Variants in GNA15 observed in about 807,000 individuals in gnomAD.
GNA15 encodes the protein guanine nucleotide-binding protein subunit alpha-15.
Under a neutral mutation model 40.1 loss-of-function variants are expected in GNA15, and 23 were observed. The observed-to-expected ratio is 0.57, with a 90% CI of 0.41 to 0.81. The LOEUF is 0.81. GNA15 is among the 40% of genes least tolerant of loss of function. The probability of loss-of-function intolerance (pLI) is 0.00; values close to 1 mark genes in which losing one functional copy is unlikely to be tolerated. For missense variants in GNA15, 522 were observed against 515.8 expected (o/e 1.01, Z -0.12); for synonymous variants, 226 against 210.4 (o/e 1.07, Z -0.64).
intron 1 of GNA15, 60 bp from the exon 2 acceptor site, chr19:3,148,531 G>A: frequency 6.8e-7 from 1 of 1,467,188 alleles, no homozygotes; most frequent in East Asian, 2.5e-5. Context: ...ACGTGGGGTT[G>A]GGGGTGTCGG....
chr19:3,161,214 A>G (rs1220939935), intron 6 of GNA15, among the ~76,000 whole-genome samples: 2 of 152,162 alleles, frequency 1.3e-5, no homozygotes, highest in Non-Finnish European at 2.9e-5. Flanking sequence ...TTGGCCTTCC[A>G]AAGTGCTAGG....
Position 3,155,987 on chromosome 19 carries a change from T to G in GNA15, c.744+35T>G, listed in dbSNP as rs1915005241. On this transcript the variant is annotated intron_variant, in intron 5 of 6. Transcript: ENST00000262958. This position sits in a 1 kb window ranked among gnomAD's most constrained non-coding sequence, Gnocchi z 5.6. ...CGCCTCCCTCGCCCTGCCCACTTGT[T>G]GGCCCAGGGACCCTCACCTGAGCAG... is the stretch of plus-strand genomic sequence containing the variant. The G allele has an allele frequency of 6.2e-7, 1 of 1,604,924 alleles. No homozygotes were observed. Among genetic ancestry groups the G allele is most frequent in the African/African-American group, 1.3e-5 (1 of 74,760 alleles).
intron 1 of GNA15, among the ~76,000 whole-genome samples, chr19:3,145,359 A>ATATATATATATATATATATATATTTTTT: frequency 2.1e-5 from 1 of 46,968 alleles, no homozygotes; most frequent in African/African-American, 9.2e-5. Flanking sequence ...ATATATATAT[A>ATATATATATATATATATATATATTTTTT]TTTTTTTTTT....
In GNA15 at chr19:3,155,029, C is replaced by T. The variant is rs1310591970; in HGVS notation, c.615-794C>T. 1.3e-5 allele frequency: 2 copies of T among 152,216 alleles called. No individual in the cohort carries two copies. The highest frequency in any genetic ancestry group is 6.5e-5 in the Admixed American group (1 of 15,268). 9.4% of individuals were successfully genotyped at this position (152,216 alleles called of 1,614,324 possible). ...CGACGGCTGCTTACCCTGTCTGGCTCTGGATGTGGGGTTTGAGGGACTCTG... is the reference window on the plus strand; with the variant it reads ...CGACGGCTGCTTACCCTGTCTGGCTTTGGATGTGGGGTTTGAGGGACTCTG... On this transcript the variant is annotated intron_variant, in intron 4 of 6. Transcript: ENST00000262958. This position sits in a 1 kb window ranked among gnomAD's most constrained non-coding sequence, Gnocchi z 5.6.
chr19:3,144,730 G>A (rs551063439), intron 1 of GNA15, among the ~76,000 whole-genome samples: 134 of 149,836 alleles, frequency 8.9e-4, no homozygotes, highest in Admixed American at 2.1e-3. Flanking sequence ...GGGTTTCACC[G>A]TGTTAGCCAG....
intron 4 of GNA15, among the ~76,000 whole-genome samples, chr19:3,152,137 G>A (rs1425007072): frequency 1.3e-5 from 2 of 152,172 alleles, no homozygotes; most frequent in African/African-American, 2.4e-5. Flanking sequence ...CCCTGAAGGG[G>A]CTGCTGGGGA....
chr19:3,148,474 A>C lies in GNA15; in HGVS notation c.146-117A>C, dbSNP rs1486602153. The C allele has an allele frequency of 4.2e-6, 4 of 951,398 alleles. 1 individual carries two copies. Among genetic ancestry groups the C allele is most frequent in the Middle Eastern group, 6.7e-4 (2 of 2,968 alleles). The allele number at this position is 951,398 out of a possible 1,614,324, so 58.9% of individuals were successfully genotyped here. ...GGTCACTGAGTGAGGTCCCGGCTGCACCGGGGTTTGAACCCAGGAGGCCTG... is the reference window on the plus strand; with the variant it reads ...GGTCACTGAGTGAGGTCCCGGCTGCCCCGGGGTTTGAACCCAGGAGGCCTG... On this transcript the variant is annotated intron_variant, in intron 1 of 6. Transcript: ENST00000262958.
intron 1 of GNA15, among the ~76,000 whole-genome samples, chr19:3,140,021 G>A (rs1914539099): frequency 1.2e-5 from 1 of 84,988 alleles, no homozygotes; most frequent in African/African-American, 4.2e-5. Flanking sequence ...CAATAAGAGT[G>A]AAACTCCATC....
chr19:3,150,136 C>T lies in GNA15; in HGVS notation c.336C>T (p.His112=), dbSNP rs1415802898. 12 of 1,612,826 alleles carry T rather than the reference C, an allele frequency of 7.4e-6. No individual in the cohort carries two copies. Among genetic ancestry groups the T allele is most frequent in the African/African-American group, 1.3e-5 (1 of 74,912 alleles). The stretch of plus-strand genomic sequence containing the variant: ...CCCCCGTCCTCCCTCCCCAGCACCA[C>T]GCTAGCCTGGTCATGAGCCAGGACC... The part of the protein sequence containing the change: ...IPFSRPESKH[H]ASLVMSQDPY... The change falls in exon 3 of 7, where the codon CAC becomes CAT. Residue 112 remains histidine, a synonymous_variant. Coordinates refer to ENST00000262958, the MANE Select transcript of GNA15 (RefSeq NM_002068.4).
chr19:3,153,165 A>G (rs1175623492), intron 4 of GNA15, among the ~76,000 whole-genome samples: 3 of 152,072 alleles, frequency 2.0e-5, no homozygotes, highest in Non-Finnish European at 2.9e-5. Context: ...CGAGACCGAG[A>G]ACCCACGAGA....
At position 3,150,207 on chromosome 19, in the gene GNA15, A is replaced by G. The variant is rs1205441758; in HGVS notation, c.407A>G (p.Gln136Arg). 1.2e-6 allele frequency: 2 copies of G among 1,612,520 alleles called. No individual in the cohort carries two copies. Among genetic ancestry groups the G allele is most frequent in the Non-Finnish European group, 1.7e-6 (2 of 1,179,362 alleles). Reference protein sequence around the residue: ...TFEKRYAAAMQWLWRDAGIRA... With the variant: ...TFEKRYAAAMRWLWRDAGIRA... ...GAGAAGCGCTACGCTGCGGCCATGC[A>G]GTGGCTGTGGAGGGATGCCGGCATC... The change falls in exon 3 of 7, where the codon CAG (glutamine) becomes CGG (arginine). Residue 136 changes from glutamine (Q) to arginine (R), a missense_variant. By Grantham distance (43) the Gln-to-Arg change is conservative. Coordinates refer to ENST00000262958, the MANE Select transcript of GNA15 (RefSeq NM_002068.4).
chr19:3,162,388 G>A (rs200976595), intron 6 of GNA15, among the ~76,000 whole-genome samples: 19 of 148,300 alleles, frequency 1.3e-4, no homozygotes, highest in Admixed American at 2.0e-4. Flanking sequence ...CCCATCTCAA[G>A]AAAAAAAAAA....
intron 6 of GNA15, among the ~76,000 whole-genome samples, chr19:3,161,539 A>C (rs1294565281): frequency 1.3e-5 from 2 of 152,140 alleles, no homozygotes; most frequent in African/African-American, 4.8e-5. Context: ...TGGGAGATAG[A>C]CGTCAAGTTG....
chr19:3,141,121 G>A (rs1279425575), intron 1 of GNA15, among the ~76,000 whole-genome samples: 1 of 151,976 alleles, frequency 6.6e-6, no homozygotes, highest in Non-Finnish European at 1.5e-5. Context: ...GTCTGTCCCT[G>A]ACATGAAGCA....
intron 1 of GNA15, among the ~76,000 whole-genome samples, chr19:3,146,043 G>A (rs997535667): frequency 2.6e-5 from 4 of 152,194 alleles, no homozygotes; most frequent in Middle Eastern, 3.4e-3. Flanking sequence ...CCCCTTCTCC[G>A]TGCTCCGGCC....
intron 4 of GNA15, among the ~76,000 whole-genome samples, chr19:3,153,128 G>A (rs757989645): frequency 1.8e-4 from 28 of 152,230 alleles, no homozygotes; most frequent in Non-Finnish European, 3.7e-4. Context: ...TTACTGCGAA[G>A]GTCTGCGGCT....
chr19:3,154,557 G>T (rs926341634), intron 4 of GNA15, among the ~76,000 whole-genome samples: 2 of 150,976 alleles, frequency 1.3e-5, no homozygotes, highest in Non-Finnish European at 3.0e-5. Context: ...TCGTAAATGG[G>T]TGGACAGGTG....
At chr19:3,147,537 A>C (rs1026638656) in intron 1 of GNA15, among the ~76,000 whole-genome samples, 1 of 143,594 alleles carries the variant, frequency 7.0e-6, no homozygotes, top group Non-Finnish European at 1.5e-5. Flanking sequence ...TGGGCAACAG[A>C]GAATCTGTCT....
rs1191752115 is a variant in GNA15 at position 3,145,336 on chromosome 19, A to AATATATATATATATATAT, written c.146-3248_146-3231dup. Among the ~76,000 whole-genome samples the AATATATATATATATATAT allele has an allele frequency of 5.0e-4, 30 of 60,204 alleles. No homozygotes were observed. In the East Asian group the frequency reaches 5.0e-3, roughly 10 times the overall value. The allele number at this position is 60,204 out of a possible 152,430, so 39.5% of individuals were successfully genotyped here. ...CAGTGTGCACCACTACGTCTGACTA[A>AATATATATATATATATAT]ATATATATATATATATATATATATT... is the stretch of plus-strand genomic sequence containing the variant. On this transcript the variant is annotated intron_variant, in intron 1 of 6. Coordinates refer to ENST00000262958, the MANE Select transcript of GNA15 (RefSeq NM_002068.4).
Sources: gnomAD v4.1 joint callset for allele counts (sites outside exome capture counted in the v4.1 genomes callset) on GRCh38, gnomAD v4.1.1 for gene constraint, Gnocchi (gnomAD v3.1) non-coding constraint, MANE v1.5 for transcripts, NCBI Gene and HGNC (gene_info 2026-07-23, HGNC 2026-07-21) for gene names.